Variants in SCAMP1 observed in about 807,000 individuals in gnomAD.
SCAMP1 encodes the protein secretory carrier membrane protein 1.
A neutral mutation model predicts 41.8 loss-of-function variants in SCAMP1; 15 were observed. The observed-to-expected ratio is 0.36, with a 90% CI of 0.24 to 0.55. The LOEUF (loss-of-function observed/expected upper bound fraction) is 0.55. Among genes scored for constraint, SCAMP1 ranks in the 20% least tolerant of loss-of-function variants. The probability of loss-of-function intolerance (pLI) is 0.86; values close to 1 mark genes in which losing one functional copy is unlikely to be tolerated. For missense variants in SCAMP1, 341 were observed against 412.6 expected (o/e 0.83, Z 1.50); for synonymous variants, 135 against 136.8 (o/e 0.99, Z 0.09).
intron 1 of SCAMP1, among the ~76,000 whole-genome samples, chr5:78,371,009 T>G (rs1403308010): frequency 2.8e-5 from 4 of 144,654 alleles, no homozygotes; most frequent in African/African-American, 9.8e-5. Context: ...ATTCTTAGAT[T>G]GGGTTATTTG....
chr5:78,399,418 A>G (rs1351693312), intron 2 of SCAMP1, among the ~76,000 whole-genome samples: 3 of 152,140 alleles, frequency 2.0e-5, no homozygotes, highest in Non-Finnish European at 4.4e-5. Context: ...AGTCTGTACT[A>G]TTTTGCACTC....
chr5:78,370,914 C>G (rs2112048501), intron 1 of SCAMP1: 1 of 152,290 alleles, frequency 6.6e-6, no homozygotes, highest in Non-Finnish European at 1.5e-5. Context: ...TTGCAGTCTG[C>G]TGATAACTAA....
chr5:78,472,918 A>G (rs755655932), intron 8 of SCAMP1, among the ~76,000 whole-genome samples: 1 of 152,140 alleles, frequency 6.6e-6, no homozygotes, highest in Non-Finnish European at 1.5e-5. Context: ...AGTGAATCCA[A>G]TTGCATTGCT....
In SCAMP1 at chr5:78,440,422, T is replaced by A. The variant is rs193232304; in HGVS notation, c.633-9511T>A. On this transcript the variant is annotated intron_variant, in intron 6 of 8. Coordinates refer to ENST00000621999, the MANE Select transcript of SCAMP1 (RefSeq NM_004866.6). ...TGTCCTTTCTGTTTGTTAGTTTTCC[T>A]TTTAACAGTCAGGACTGTCAGCTGC... 3.3e-5 allele frequency among the ~76,000 whole-genome samples: 5 copies of A among 152,358 alleles called. No individual in the cohort carries two copies. The East Asian group carries it at 9.7e-4, about 29-fold the overall frequency.
intron 1 of SCAMP1, among the ~76,000 whole-genome samples, chr5:78,385,816 A>C (rs763748305): frequency 6.6e-6 from 1 of 152,018 alleles, no homozygotes; most frequent in African/African-American, 2.4e-5. Flanking sequence ...AGAGTACTTG[A>C]TGTAATTTTG....
At chr5:78,390,564 T>C (rs1751461519) in intron 2 of SCAMP1, among the ~76,000 whole-genome samples, 1 of 152,240 alleles carries the variant, frequency 6.6e-6, no homozygotes, top group Non-Finnish European at 1.5e-5. Flanking sequence ...TTCCACTGTA[T>C]GTAGTTCTTT....
chr5:78,457,504 A>G (rs1025891024), intron 7 of SCAMP1, among the ~76,000 whole-genome samples: 1 of 152,156 alleles, frequency 6.6e-6, no homozygotes, highest in African/African-American at 2.4e-5. Flanking sequence ...CTCGGGGGTC[A>G]GGGGTCAGGG....
At chr5:78,442,753 AT>A (rs1752957573) in intron 6 of SCAMP1, among the ~76,000 whole-genome samples, 2 of 152,260 alleles carry the variant, frequency 1.3e-5, no homozygotes, top group South Asian at 4.1e-4. Context: ...CAAATGTGAG[AT>A]TTTAGTTGTT....
intron 1 of SCAMP1, among the ~76,000 whole-genome samples, chr5:78,369,571 GA>G (rs1750893122): frequency 1.3e-5 from 2 of 152,226 alleles, no homozygotes; most frequent in Non-Finnish European, 2.9e-5. Context: ...ACCGTAGTGT[GA>G]CGCTAGAGAT....
At chr5:78,373,848 G>A (rs1751003377) in intron 1 of SCAMP1, among the ~76,000 whole-genome samples, 1 of 152,044 alleles carries the variant, frequency 6.6e-6, no homozygotes, top group African/African-American at 2.4e-5. Context: ...GGACCTAATG[G>A]TATAATTTGA....
chr5:78,412,913 A>G (rs1477790962), intron 2 of SCAMP1, among the ~76,000 whole-genome samples: 3 of 152,050 alleles, frequency 2.0e-5, no homozygotes, highest in African/African-American at 7.2e-5. Context: ...TCCATTCTTA[A>G]TTTGACAGAT....
intron 2 of SCAMP1, among the ~76,000 whole-genome samples, chr5:78,411,541 T>G (rs1752077105): frequency 6.6e-6 from 1 of 152,188 alleles, no homozygotes; most frequent in Non-Finnish European, 1.5e-5. Flanking sequence ...ATGTTGTATA[T>G]ACAGCTTTGT....
chr5:78,361,233 TAAAA>T (rs5868918), intron 1 of SCAMP1, among the ~76,000 whole-genome samples: 1 of 147,546 alleles, frequency 6.8e-6, no homozygotes, highest in African/African-American at 2.5e-5. Context: ...ATGCTGCAAT[TAAAA>T]AAAAAAAGGT....
intron 1 of SCAMP1, among the ~76,000 whole-genome samples, chr5:78,383,323 ACT>A (rs1031958171): frequency 1.3e-5 from 2 of 150,960 alleles, no homozygotes; most frequent in Non-Finnish European, 1.5e-5. Flanking sequence ...TTCCTTGTAG[ACT>A]CTGGGTATTA....
At chr5:78,413,943 C>G (rs2112133440) in intron 2 of SCAMP1, among the ~76,000 whole-genome samples, 1 of 151,946 alleles carries the variant, frequency 6.6e-6, no homozygotes, top group East Asian at 1.9e-4. Context: ...CCTTCCCTCC[C>G]TCTTCTCTTT....
At chr5:78,385,703 C>T (rs920381475) in intron 1 of SCAMP1, among the ~76,000 whole-genome samples, 1 of 151,918 alleles carries the variant, frequency 6.6e-6, no homozygotes, top group South Asian at 2.1e-4. Flanking sequence ...TAATGTTGAC[C>T]CAGTCATCAT....
At chr5:78,387,975 C>T (rs114771865) in intron 1 of SCAMP1, among the ~76,000 whole-genome samples, 2,261 of 152,208 alleles carry the variant, frequency 0.015, 62 homozygotes, top group African/African-American at 0.051. Context: ...GAGGATCAGG[C>T]GGTGGCAGGA....
At chr5:78,429,130 C>T (rs1015859351) in intron 6 of SCAMP1, among the ~76,000 whole-genome samples, 14 of 151,936 alleles carry the variant, frequency 9.2e-5, no homozygotes, top group African/African-American at 3.4e-4. Flanking sequence ...TTAATCAATC[C>T]ACCTTCCTTT....
chr5:78,396,204 A>G (rs1053223714), intron 2 of SCAMP1, among the ~76,000 whole-genome samples: 1 of 152,216 alleles, frequency 6.6e-6, no homozygotes, highest in Admixed American at 6.5e-5. Flanking sequence ...GTCCAAACCC[A>G]TAGAATGTAC....
Sources: gnomAD v4.1 joint callset for allele counts (sites outside exome capture counted in the v4.1 genomes callset) on GRCh38, gnomAD v4.1.1 for gene constraint, MANE v1.5 for transcripts, NCBI Gene and HGNC (gene_info 2026-07-23, HGNC 2026-07-21) for gene names.